The following HS2ST1 variants were observed in gnomAD, a reference collection of about 807,000 sequenced individuals.
The protein encoded by HS2ST1 is 2-O-sulfotransferase.
HS2ST1 carries 18 observed loss-of-function variants against 42.9 expected under a neutral mutation model. That is an observed-to-expected ratio of 0.42 (90% CI 0.29 to 0.62). The LOEUF is 0.62. Ranked by LOEUF, HS2ST1 falls within the 20% of genes least tolerant of loss-of-function variation. The pLI is 0.21. For synonymous variants in HS2ST1, 146 were observed against 152.9 expected, an observed-to-expected ratio of 0.95 and a Z score of 0.33; for missense variants, 334 against 433.8, an observed-to-expected ratio of 0.77 and a Z score of 2.04.
intron 1 of HS2ST1, among the ~76,000 whole-genome samples, chr1:87,016,139 G>T (rs1649752314): frequency 6.6e-6 from 1 of 152,166 alleles, no homozygotes; most frequent in Admixed American, 6.5e-5. Context: ...TAATGAGAAT[G>T]AAGGGGTTTT....
At position 87,037,550 on chromosome 1, in the gene HS2ST1, A is replaced by G. The variant is rs562033330; in HGVS notation, c.125-35384A>G. Among the ~76,000 whole-genome samples, 19 of 151,954 alleles carry G rather than the reference A, an allele frequency of 1.3e-4. No homozygotes were observed. In the South Asian group the frequency reaches 3.9e-3, roughly 32 times the overall value. ...CATATTTAGCTATCCTTCTAAAATTACATCAATAATATGTCTTTAAAAATA... is the reference window on the plus strand; with the variant it reads ...CATATTTAGCTATCCTTCTAAAATTGCATCAATAATATGTCTTTAAAAATA... On this transcript the variant is annotated intron_variant, in intron 1 of 6. Coordinates refer to ENST00000370550, the MANE Select transcript of HS2ST1 (RefSeq NM_012262.4).
chr1:87,073,278 A>G, intron 2 of HS2ST1, 106 bp downstream of exon 2: 1 of 817,892 alleles, frequency 1.2e-6, no homozygotes, highest in Non-Finnish European at 2.0e-6. Context: ...TGCTGATCTC[A>G]GTGGATCATA....
intron 1 of HS2ST1, among the ~76,000 whole-genome samples, chr1:86,971,778 T>A (rs1261136998): frequency 6.6e-6 from 1 of 152,192 alleles, no homozygotes; most frequent in Non-Finnish European, 1.5e-5. Context: ...CAACAAGAGG[T>A]TATAATGTTA....
chr1:86,982,553 C>T (rs572451993), intron 1 of HS2ST1, among the ~76,000 whole-genome samples: 4 of 152,062 alleles, frequency 2.6e-5, no homozygotes, highest in Admixed American at 6.6e-5. Context: ...CTTGCTGTGT[C>T]GCCCAGGCTG....
At chr1:86,979,334 C>G (rs1321311131) in intron 1 of HS2ST1, among the ~76,000 whole-genome samples, 1 of 152,158 alleles carries the variant, frequency 6.6e-6, no homozygotes, top group African/African-American at 2.4e-5. Flanking sequence ...AACTCAAACT[C>G]TGTACCCATT....
At chr1:86,979,042 G>T (rs1291245203) in intron 1 of HS2ST1, among the ~76,000 whole-genome samples, 3 of 151,674 alleles carry the variant, frequency 2.0e-5, no homozygotes, top group Non-Finnish European at 4.4e-5. Context: ...TTTTTGTAGA[G>T]ATGGGGTTTT....
At chr1:87,044,614 C>T (rs778250009) in intron 1 of HS2ST1, among the ~76,000 whole-genome samples, 29 of 152,120 alleles carry the variant, frequency 1.9e-4, no homozygotes, top group Non-Finnish European at 3.2e-4. Flanking sequence ...AACTTAACCA[C>T]AATATTTTGA....
chr1:86,992,163 C>G lies in HS2ST1; in HGVS notation c.124+77003C>G, dbSNP rs575933583. Among the ~76,000 whole-genome samples, 163 of 152,020 alleles carry G rather than the reference C, an allele frequency of 1.1e-3. 1 individual carries two copies. Among genetic ancestry groups the G allele is most frequent in the African/African-American group, 3.7e-3 (153 of 41,464 alleles). Reference sequence around the variant, plus strand: ...AGTTTCATCCCAAAACCACTCCTCCCACTCCCCATTCCACCACTACCCCCA... The same window carrying G: ...AGTTTCATCCCAAAACCACTCCTCCGACTCCCCATTCCACCACTACCCCCA... On this transcript the variant is annotated intron_variant, in intron 1 of 6. Transcript: ENST00000370550.
chr1:86,944,196 A>G (rs1187421599), intron 1 of HS2ST1, among the ~76,000 whole-genome samples: 2 of 152,190 alleles, frequency 1.3e-5, no homozygotes, highest in Non-Finnish European at 2.9e-5. Flanking sequence ...GTCCAGGAGA[A>G]TTAATAGGAA....
intron 1 of HS2ST1, among the ~76,000 whole-genome samples, chr1:86,938,052 C>G (rs754595591): frequency 6.6e-6 from 1 of 152,138 alleles, no homozygotes; most frequent in African/African-American, 2.4e-5. Flanking sequence ...ATACCTAGCA[C>G]TGTTCTATTA....
intron 1 of HS2ST1, among the ~76,000 whole-genome samples, chr1:86,976,596 A>G (rs1006195024): frequency 1.6e-4 from 24 of 151,562 alleles, no homozygotes; most frequent in African/African-American, 5.1e-4. Flanking sequence ...GACAAATTCA[A>G]TGAATAACAT....
intron 1 of HS2ST1, among the ~76,000 whole-genome samples, chr1:86,947,282 A>G (rs751597107): frequency 3.9e-5 from 6 of 152,244 alleles, no homozygotes; most frequent in Non-Finnish European, 8.8e-5. Context: ...AGAGCAATGG[A>G]GAATTGTCTC....
intron 1 of HS2ST1, among the ~76,000 whole-genome samples, chr1:87,056,026 C>T (rs531125059): frequency 6.6e-6 from 1 of 152,248 alleles, no homozygotes; most frequent in East Asian, 1.9e-4. Context: ...TGGTTTGTCT[C>T]TACCAAAACT....
intron 2 of HS2ST1, among the ~76,000 whole-genome samples, chr1:87,082,202 T>C (rs1426062693): frequency 6.6e-6 from 1 of 152,180 alleles, no homozygotes. Context: ...CCTGGGCTTT[T>C]TTCACTTTGT....
intron 1 of HS2ST1, among the ~76,000 whole-genome samples, chr1:87,053,340 T>C (rs1304789581): frequency 6.6e-6 from 1 of 152,212 alleles, no homozygotes; most frequent in Non-Finnish European, 1.5e-5. Flanking sequence ...TTAATGGCAG[T>C]ATGGACTTGT....
chr1:86,917,994 T>A (rs1481387874), intron 1 of HS2ST1, among the ~76,000 whole-genome samples: 1 of 152,240 alleles, frequency 6.6e-6, no homozygotes, highest in Non-Finnish European at 1.5e-5. Flanking sequence ...ATTTTTATTT[T>A]GGCATAAAAA....
chr1:87,066,239 G>A (rs567744851), intron 1 of HS2ST1, among the ~76,000 whole-genome samples: 95 of 152,296 alleles, frequency 6.2e-4, no homozygotes, highest in African/African-American at 2.0e-3. Flanking sequence ...AATCTGACAC[G>A]TGGAAAAGCA....
chr1:87,037,481 A>G (rs904033451), intron 1 of HS2ST1, among the ~76,000 whole-genome samples: 4 of 151,824 alleles, frequency 2.6e-5, no homozygotes, highest in Admixed American at 1.3e-4. Context: ...GATTACAGAA[A>G]AGTCCAAAGG....
At chr1:87,093,261 G>C (rs779527235) in intron 4 of HS2ST1, among the ~76,000 whole-genome samples, 1 of 152,016 alleles carries the variant, frequency 6.6e-6, no homozygotes, top group Non-Finnish European at 1.5e-5. Context: ...AACTGGACAC[G>C]ATCTCAGACC....
Sources: allele counts gnomAD v4.1 joint callset (sites outside exome capture counted in the v4.1 genomes callset), GRCh38; gene constraint gnomAD v4.1.1; transcripts MANE v1.5; gene names NCBI Gene and HGNC (gene_info 2026-07-23, HGNC 2026-07-21).